The following KCNIP4 variants were observed in gnomAD, a reference collection of about 807,000 sequenced individuals.
KCNIP4 encodes potassium voltage-gated channel interacting protein 4, also known as Kv channel-interacting protein 4.
Under a neutral mutation model 34.0 loss-of-function variants are expected in KCNIP4, and 12 were observed. The observed-to-expected ratio is 0.35, with a 90% CI of 0.23 to 0.57. The LOEUF is 0.57. KCNIP4 is among the 20% of genes least tolerant of loss of function. KCNIP4 has a pLI of 0.83. For missense variants in KCNIP4, 238 were observed against 311.7 expected (o/e 0.76, Z 1.78); for synonymous variants, 124 against 102.2 (o/e 1.21, Z -1.29).
chr4:21,342,651 C>T (rs900883905), intron 1 of KCNIP4, among the ~76,000 whole-genome samples: 1 of 151,872 alleles, frequency 6.6e-6, no homozygotes, highest in African/African-American at 2.4e-5. Context: ...CTTACCCAAT[C>T]ATTCAAGGAA....
chr4:21,896,862 C>T (rs527487296), intron 1 of KCNIP4, among the ~76,000 whole-genome samples: 8 of 151,618 alleles, frequency 5.3e-5, no homozygotes, highest in East Asian at 1.9e-4. Context: ...GAGGGTGCAG[C>T]GAGCCAAGAT....
At chr4:21,733,371 T>C (rs1160392973) in intron 1 of KCNIP4, among the ~76,000 whole-genome samples, 1 of 152,204 alleles carries the variant, frequency 6.6e-6, no homozygotes, top group East Asian at 1.9e-4. Context: ...AGTATGTTAA[T>C]ACATGTCACA....
At chr4:21,911,604 TCACACACACACACACA>T (rs149500330) in intron 1 of KCNIP4, among the ~76,000 whole-genome samples, 33 of 129,992 alleles carry the variant, frequency 2.5e-4, no homozygotes, top group African/African-American at 8.4e-4. Flanking sequence ...GAATTGATAT[TCACACACACACACACA>T]CACACACACA....
At chr4:21,416,420 T>C (rs1351699560) in intron 1 of KCNIP4, among the ~76,000 whole-genome samples, 2 of 152,188 alleles carry the variant, frequency 1.3e-5, no homozygotes, top group Non-Finnish European at 2.9e-5. Flanking sequence ...GCCTGCTGCC[T>C]GTGATTGATA....
At chr4:21,569,364 G>C (rs1370697891) in intron 1 of KCNIP4, among the ~76,000 whole-genome samples, 1 of 149,510 alleles carries the variant, frequency 6.7e-6, no homozygotes, top group African/African-American at 2.5e-5. Context: ...GGAGGAAACA[G>C]CCCTGTTCTA....
At chr4:20,967,977 A>T (rs1198771187) in intron 1 of KCNIP4, among the ~76,000 whole-genome samples, 1 of 152,216 alleles carries the variant, frequency 6.6e-6, no homozygotes, top group Non-Finnish European at 1.5e-5. Context: ...AGAAACTATC[A>T]TCAGAGTGAA....
chr4:20,739,567 C>A (rs1228386367), intron 5 of KCNIP4, among the ~76,000 whole-genome samples: 1 of 152,146 alleles, frequency 6.6e-6, no homozygotes, highest in Admixed American at 6.5e-5. Flanking sequence ...AAAAGGACAT[C>A]CACACCAAAA....
intron 1 of KCNIP4, among the ~76,000 whole-genome samples, chr4:21,106,466 C>T (rs1208555788): frequency 1.3e-5 from 2 of 151,514 alleles, no homozygotes; most frequent in Non-Finnish European, 1.5e-5. Context: ...TTTTTTATCG[C>T]ATCTATTTGA....
chr4:20,970,454 G>A (rs1019229179), intron 1 of KCNIP4, among the ~76,000 whole-genome samples: 3 of 152,066 alleles, frequency 2.0e-5, no homozygotes, highest in African/African-American at 7.2e-5. Context: ...TATATATAAA[G>A]GCTTACAAAT....
intron 1 of KCNIP4, among the ~76,000 whole-genome samples, chr4:21,484,951 T>C (rs1394004650): frequency 6.6e-6 from 1 of 152,216 alleles, no homozygotes; most frequent in Admixed American, 6.5e-5. Context: ...TGTTGAATAA[T>C]TTTTCGTTGA....
chr4:20,986,261 A>C (rs578258315), intron 1 of KCNIP4, among the ~76,000 whole-genome samples: 2 of 152,260 alleles, frequency 1.3e-5, no homozygotes, highest in South Asian at 4.1e-4. Flanking sequence ...GAGTCCTAGA[A>C]ATAAGTTGGT....
At chr4:21,785,305 A>G (rs181044711) in intron 1 of KCNIP4, among the ~76,000 whole-genome samples, 2,209 of 151,952 alleles carry the variant, frequency 0.015, 22 homozygotes, top group Middle Eastern at 0.027. Flanking sequence ...AAAAAAAAAA[A>G]CTTGGCTGGC....
chr4:20,832,850 A>G (rs10012893), intron 3 of KCNIP4, among the ~76,000 whole-genome samples: 2,371 of 151,708 alleles, frequency 0.016, 65 homozygotes, highest in African/African-American at 0.055. Context: ...GGAAGACAAC[A>G]AGTTAGTCTT....
Position 21,143,819 on chromosome 4 carries a change from C to CA in KCNIP4, c.62-261111dup, listed in dbSNP as rs1752150962. On this transcript the variant is annotated intron_variant, in intron 1 of 8. Coordinates refer to ENST00000382152, the MANE Select transcript of KCNIP4 (RefSeq NM_025221.6). The stretch of plus-strand genomic sequence containing the variant: ...CCCAGGTTCAAGCAATTCTCTACCT[C>CA]AGCCTCCTGAGTAGCTGGGATTACA... Among the ~76,000 whole-genome samples the CA allele has an allele frequency of 3.3e-5, 5 of 151,840 alleles. No individual in the cohort carries two copies. The South Asian group carries it at 1.0e-3, about 32-fold the overall frequency.
chr4:21,882,654 G>A (rs1446384183), intron 1 of KCNIP4, among the ~76,000 whole-genome samples: 1 of 152,124 alleles, frequency 6.6e-6, no homozygotes, highest in Non-Finnish European at 1.5e-5. Flanking sequence ...ACCAAAAGTA[G>A]CCTAAAGCAG....
At chr4:21,604,194 G>A (rs2109127813) in intron 1 of KCNIP4, among the ~76,000 whole-genome samples, 1 of 152,198 alleles carries the variant, frequency 6.6e-6, no homozygotes, top group Non-Finnish European at 1.5e-5. Flanking sequence ...TGAAATGGTA[G>A]TATCTATTGT....
intron 1 of KCNIP4, among the ~76,000 whole-genome samples, chr4:21,834,068 T>C (rs1438743415): frequency 6.6e-6 from 1 of 152,232 alleles, no homozygotes; most frequent in South Asian, 2.1e-4. Context: ...TTGACTTGGC[T>C]ATGTGGGCTC....
At chr4:21,668,088 G>A (rs1018119758) in intron 1 of KCNIP4, among the ~76,000 whole-genome samples, 3 of 152,164 alleles carry the variant, frequency 2.0e-5, no homozygotes, top group Non-Finnish European at 2.9e-5. Context: ...GCAGGGACAC[G>A]GATGAAGCTG....
chr4:21,097,449 G>T (rs1308866385), intron 1 of KCNIP4, among the ~76,000 whole-genome samples: 2 of 152,074 alleles, frequency 1.3e-5, no homozygotes, highest in Non-Finnish European at 2.9e-5. Context: ...ACCCTGCATG[G>T]AGCAAGTCTA....
Sources: gnomAD v4.1 joint callset for allele counts (sites outside exome capture counted in the v4.1 genomes callset) on GRCh38, gnomAD v4.1.1 for gene constraint, MANE v1.5 for transcripts, NCBI Gene and HGNC (gene_info 2026-07-23, HGNC 2026-07-21) for gene names.